The following UBE2E3 variants were observed in gnomAD, a reference collection of about 807,000 sequenced individuals.
UBE2E3 encodes ubiquitin conjugating enzyme E2 E3, also known as ubiquitin-conjugating enzyme E2 E3.
In UBE2E3, 5 loss-of-function variants were observed where a neutral mutation model predicts 23.6. The observed-to-expected ratio is 0.21, with a 90% CI of 0.11 to 0.44. The LOEUF is 0.44. Ranked by LOEUF, UBE2E3 falls within the 20% of genes least tolerant of loss-of-function variation. The pLI is 0.99. For synonymous variants in UBE2E3, 78 were observed against 87.5 expected, an observed-to-expected ratio of 0.89 and a Z score of 0.60; for missense variants, 81 against 249.8, an observed-to-expected ratio of 0.32 and a Z score of 4.55.
intron 2 of UBE2E3, among the ~76,000 whole-genome samples, 200 bp from the exon 3 acceptor site, chr2:180,983,843 A>G (rs1684374871): frequency 6.6e-6 from 1 of 152,226 alleles, no homozygotes; most frequent in Admixed American, 6.5e-5. Context: ...TGCAGCAGCA[A>G]GTGAGAAAAA....
intron 3 of UBE2E3, among the ~76,000 whole-genome samples, chr2:180,987,186 C>T (rs1051975355): frequency 6.6e-6 from 1 of 152,034 alleles, no homozygotes; most frequent in East Asian, 1.9e-4. Flanking sequence ...TCAGTTTATG[C>T]TGTTTACATA....
In UBE2E3 at chr2:180,984,565, A is replaced by G. The variant is rs999144982; in HGVS notation, c.245+472A>G. Among the ~76,000 whole-genome samples, 55 of 152,188 alleles carry G rather than the reference A, an allele frequency of 3.6e-4. 1 individual carries two copies. The highest frequency in any genetic ancestry group is 1.2e-3 in the African/African-American group (50 of 41,456). ...TATTCAGTTACTAGCCTTAAGGACA[A>G]ATTTTATGGGCTAAGCTAATGGTTT... On this transcript the variant is annotated intron_variant, in intron 3 of 5. Transcript: ENST00000410062.
intron 3 of UBE2E3, among the ~76,000 whole-genome samples, chr2:181,057,131 C>T (rs914148663): frequency 4.0e-5 from 6 of 151,774 alleles, no homozygotes; most frequent in Non-Finnish European, 8.8e-5. Flanking sequence ...CAGGAAATAA[C>T]GTGGTTCCAA....
At chr2:181,043,174 A>C (rs1686565693) in intron 3 of UBE2E3, among the ~76,000 whole-genome samples, 1 of 152,258 alleles carries the variant, frequency 6.6e-6, no homozygotes. Context: ...TTTGAGTTCC[A>C]ACATGATGCT....
chr2:181,025,993 A>G (rs1685870228), intron 3 of UBE2E3, among the ~76,000 whole-genome samples: 1 of 151,946 alleles, frequency 6.6e-6, no homozygotes, highest in Non-Finnish European at 1.5e-5. Context: ...CATTCAAAAC[A>G]TACGTTAAAT....
intron 3 of UBE2E3, among the ~76,000 whole-genome samples, chr2:181,041,731 C>G (rs1002597121): frequency 1.1e-4 from 17 of 152,250 alleles, no homozygotes; most frequent in African/African-American, 3.6e-4. Flanking sequence ...TGATGTTGCA[C>G]ACTGCTCACA....
At chr2:181,046,427 G>C (rs1686675883) in intron 3 of UBE2E3, among the ~76,000 whole-genome samples, 1 of 152,100 alleles carries the variant, frequency 6.6e-6, no homozygotes, top group African/African-American at 2.4e-5. Flanking sequence ...GTTAGAGTCT[G>C]TGTTTAGTTT....
intron 3 of UBE2E3, among the ~76,000 whole-genome samples, chr2:181,030,869 G>A (rs1164945984): frequency 6.6e-6 from 1 of 151,774 alleles, no homozygotes; most frequent in Non-Finnish European, 1.5e-5. Flanking sequence ...CTTGTCACAA[G>A]GTTTCTATGT....
In UBE2E3 at chr2:180,990,855, A is replaced by G. The variant is rs186471419; in HGVS notation, c.245+6762A>G. ...GGGTTTTATTTTCATCATTATGACAATACACAAGTTACTTCAATTTTTACA... is the reference window on the plus strand; with the variant it reads ...GGGTTTTATTTTCATCATTATGACAGTACACAAGTTACTTCAATTTTTACA... On this transcript the variant is annotated intron_variant, in intron 3 of 5. Transcript: ENST00000410062. Among the ~76,000 whole-genome samples, 356 of 152,344 alleles carry G rather than the reference A, an allele frequency of 2.3e-3. 1 individual carries two copies. The highest frequency in any genetic ancestry group is 8.3e-3 in the African/African-American group (344 of 41,580).
At chr2:181,026,140 A>G (rs1454389352) in intron 3 of UBE2E3, among the ~76,000 whole-genome samples, 1 of 151,932 alleles carries the variant, frequency 6.6e-6, no homozygotes, top group African/African-American at 2.4e-5. Flanking sequence ...AGTTTTAAAC[A>G]GCAGGAAAAG....
chr2:180,992,141 T>A (rs188145444), intron 3 of UBE2E3, among the ~76,000 whole-genome samples: 21 of 152,332 alleles, frequency 1.4e-4, no homozygotes, highest in African/African-American at 4.3e-4. Context: ...GGGTTTTTTG[T>A]CTTGTAACTT....
intron 3 of UBE2E3, among the ~76,000 whole-genome samples, chr2:180,988,372 A>G (rs1008810732): frequency 1.3e-5 from 2 of 152,170 alleles, no homozygotes; most frequent in Non-Finnish European, 2.9e-5. Flanking sequence ...GAACTTGCGT[A>G]AAAAAGAAAA....
intron 3 of UBE2E3, among the ~76,000 whole-genome samples, chr2:181,020,191 G>GTA (rs1389483523): frequency 6.7e-6 from 1 of 149,720 alleles, no homozygotes; most frequent in African/African-American, 2.4e-5. Context: ...TAGTTCTCCA[G>GTA]TATAAGATGT....
chr2:181,060,700 C>A lies in UBE2E3; in HGVS notation c.414C>A (p.Ile138=), dbSNP rs1430789495. Residue 138 remains isoleucine, a synonymous_variant, in exon 5 of 6, where the codon ATC becomes ATA. Coordinates refer to ENST00000410062, the MANE Select transcript of UBE2E3 (RefSeq NM_006357.4). ...GCACCAGAATCTATCACTGCAACAT[C>A]AACAGTCAGGGAGTCATCTGTCTGG... is the stretch of plus-strand genomic sequence containing the variant. ...TFRTRIYHCN[I]NSQGVICLDI... 6.2e-7 allele frequency: 1 copy of A among 1,609,412 alleles called. No individual in the cohort carries two copies. Among genetic ancestry groups the A allele is most frequent in the East Asian group, 2.2e-5 (1 of 44,706 alleles).
At chr2:181,062,358 C>T (rs954159837) in intron 5 of UBE2E3, among the ~76,000 whole-genome samples, 2 of 151,592 alleles carry the variant, frequency 1.3e-5, no homozygotes, top group African/African-American at 2.4e-5. Context: ...AGAGTCATAT[C>T]AGGCACAGAA....
At chr2:181,047,112 C>T (rs1210469123) in intron 3 of UBE2E3, among the ~76,000 whole-genome samples, 1 of 152,154 alleles carries the variant, frequency 6.6e-6, no homozygotes, top group Non-Finnish European at 1.5e-5. Context: ...ATGATCACCA[C>T]ATGACTAGAT....
intron 2 of UBE2E3, among the ~76,000 whole-genome samples, chr2:180,983,417 C>G (rs771551777): frequency 2.0e-4 from 31 of 152,116 alleles, no homozygotes; most frequent in Non-Finnish European, 3.2e-4. Flanking sequence ...GCTTTTCTCC[C>G]CCTTAACTCA....
At chr2:180,996,710 G>A (rs1404314926) in intron 3 of UBE2E3, among the ~76,000 whole-genome samples, 2 of 152,114 alleles carry the variant, frequency 1.3e-5, no homozygotes, top group African/African-American at 4.8e-5. Context: ...ATTCCACATT[G>A]TAGTGATAGC....
intron 4 of UBE2E3, among the ~76,000 whole-genome samples, chr2:181,060,410 A>G (rs1019792499): frequency 6.6e-6 from 1 of 151,764 alleles, no homozygotes; most frequent in Non-Finnish European, 1.5e-5. Context: ...ACACACATAG[A>G]TGGAATTACT....
Sources: gnomAD v4.1 joint callset for allele counts (sites outside exome capture counted in the v4.1 genomes callset) on GRCh38, gnomAD v4.1.1 for gene constraint, MANE v1.5 for transcripts, NCBI Gene and HGNC (gene_info 2026-07-23, HGNC 2026-07-21) for gene names.